The following SCD5 variants were observed in gnomAD, a reference collection of about 807,000 sequenced individuals.
The protein encoded by SCD5 is stearoyl-CoA desaturase 5.
A neutral mutation model predicts 30.4 loss-of-function variants in SCD5; 20 were observed. The ratio of observed to expected loss-of-function variants is 0.66; its 90% CI spans 0.46 to 0.96. SCD5 has a LOEUF of 0.96. SCD5 is among the 40% of genes least tolerant of loss of function. SCD5 has a pLI of 0.00. For synonymous variants in SCD5, 173 were observed against 176.4 expected (o/e 0.98, Z 0.16); for missense variants, 381 against 443.3 (o/e 0.86, Z 1.26).
At chr4:82,764,973 C>T (rs1721456867) in intron 1 of SCD5, among the ~76,000 whole-genome samples, 1 of 152,172 alleles carries the variant, frequency 6.6e-6, no homozygotes, top group Admixed American at 6.5e-5. Context: ...GTGATCCACC[C>T]ACCTTGGCCT....
Position 82,636,643 on chromosome 4 carries a change from A to T in SCD5, c.750T>A (p.Tyr250Ter). The T allele has an allele frequency of 6.2e-7, 1 of 1,614,186 alleles. No individual in the cohort carries two copies. Among genetic ancestry groups the T allele is most frequent in the Non-Finnish European group, 8.5e-7 (1 of 1,180,040 alleles). The change falls in exon 4 of 5, where the codon TAT becomes TAA. Residue 250 changes from tyrosine (Y) to a stop codon, truncating the protein, a stop_gained. Transcript: ENST00000319540. LOFTEE classifies it high-confidence loss of function. ...TCTGCCGAGGGCTGATGTGCTTGTCATAGGGCCGGTTTCCATACATGTGGG... is the reference window on the plus strand; with the variant it reads ...TCTGCCGAGGGCTGATGTGCTTGTCTTAGGGCCGGTTTCCATACATGTGGG... ...SAAHMYGNRP[Y>*]DKHISPRQNP...
chr4:82,793,805 G>T (rs1722148295), intron 1 of SCD5, among the ~76,000 whole-genome samples: 1 of 152,132 alleles, frequency 6.6e-6, no homozygotes, highest in Admixed American at 6.6e-5. Flanking sequence ...CCATTCAGCT[G>T]GTAAGTAAGT....
intron 2 of SCD5, among the ~76,000 whole-genome samples, chr4:82,682,748 A>C (rs1003562954): frequency 2.0e-5 from 3 of 152,146 alleles, no homozygotes; most frequent in African/African-American, 7.2e-5. Context: ...GTCTGGGCTC[A>C]AGTGATCCTC....
rs762854525 is a variant in SCD5, at chr4:82,705,417, C to A, written c.233-4G>T. The A allele has an allele frequency of 1.2e-6, 2 of 1,614,148 alleles. No individual in the cohort carries two copies. Among genetic ancestry groups the A allele is most frequent in the African/African-American group, 1.3e-5 (1 of 75,072 alleles). On this transcript the variant is annotated splice_polypyrimidine_tract_variant and splice_region_variant and intron_variant, in intron 1 of 4. Coordinates refer to ENST00000319540, the MANE Select transcript of SCD5 (RefSeq NM_001037582.3). ...GCCAGGAGGAAGCAGAAGTAGGCTG[C>A]AAGACACAAGCAGGGACAACGTCAA...
At chr4:82,796,947 C>T (rs1722237129) in intron 1 of SCD5, among the ~76,000 whole-genome samples, 1 of 152,184 alleles carries the variant, frequency 6.6e-6, no homozygotes, top group Non-Finnish European at 1.5e-5. Flanking sequence ...CAGGAGATTT[C>T]CCAGAGCTTT....
chr4:82,767,447 T>G (rs1045689282), intron 1 of SCD5, among the ~76,000 whole-genome samples: 11 of 152,160 alleles, frequency 7.2e-5, no homozygotes, highest in African/African-American at 2.7e-4. Context: ...CTCTAGGAAG[T>G]CTATCAGGGC....
chr4:82,659,600 T>C (rs991900316), intron 3 of SCD5, among the ~76,000 whole-genome samples: 15 of 152,212 alleles, frequency 9.9e-5, no homozygotes, highest in African/African-American at 3.6e-4. Context: ...CCAGTGGTCA[T>C]TCAGGAGCAG....
intron 1 of SCD5, among the ~76,000 whole-genome samples, chr4:82,753,102 A>G (rs995181571): frequency 6.6e-6 from 1 of 152,128 alleles, no homozygotes; most frequent in African/African-American, 2.4e-5. Context: ...GCCCCACTGA[A>G]AACCACAGGA....
Position 82,705,357 on chromosome 4 carries a change from A to G in SCD5, c.289T>C (p.Trp97Arg). 3 of 1,614,218 alleles carry G rather than the reference A, an allele frequency of 1.9e-6. No individual in the cohort carries two copies. The highest frequency in any genetic ancestry group is 1.7e-6 in the Non-Finnish European group (2 of 1,180,034). ...TTGGCCCGGTAGGACCTGTGGCTCC[A>G]CAAGCGATGGGCACCAGCTGTCACA... ...LGVTAGAHRL[W>R]SHRSYRAKLP... is the part of the protein sequence containing the mutation. Residue 97 changes from tryptophan (W) to arginine (R), a missense_variant, in exon 2 of 5, where the codon TGG becomes CGG. Physicochemically the swap from Trp to Arg is moderately radical, Grantham distance 101. Coordinates refer to ENST00000319540, the MANE Select transcript of SCD5 (RefSeq NM_001037582.3).
intron 1 of SCD5, among the ~76,000 whole-genome samples, chr4:82,710,529 G>C (rs1000147608): frequency 6.6e-6 from 1 of 152,128 alleles, no homozygotes; most frequent in Non-Finnish European, 1.5e-5. Context: ...TGTGGCTCAG[G>C]GTGTGCAGTG....
chr4:82,690,043 C>G (rs1227246574), intron 2 of SCD5, among the ~76,000 whole-genome samples: 1 of 152,150 alleles, frequency 6.6e-6, no homozygotes, highest in Non-Finnish European at 1.5e-5. Context: ...TGAATGGAAT[C>G]TAAAGAGACA....
intron 4 of SCD5, among the ~76,000 whole-genome samples, 192 bp downstream of exon 4, chr4:82,636,399 C>T (rs1383043911): frequency 1.4e-5 from 2 of 148,130 alleles, no homozygotes; most frequent in Non-Finnish European, 3.0e-5. Flanking sequence ...TGCAGTCAGC[C>T]AAGATCGTGC....
intron 3 of SCD5, among the ~76,000 whole-genome samples, chr4:82,650,098 T>TA: frequency 2.0e-5 from 3 of 152,290 alleles, no homozygotes; most frequent in Admixed American, 2.0e-4. Flanking sequence ...GTAGGTTGTC[T>TA]AGTGCTCTCT....
In SCD5 at chr4:82,630,641, C is replaced by A. The variant is rs532178920; in HGVS notation, c.*686G>T. 2.0e-5 allele frequency: 3 copies of A among 152,304 alleles called. No individual in the cohort carries two copies. The East Asian group carries it at 5.8e-4, about 29-fold the overall frequency. The allele number at this position is 152,304 out of a possible 1,614,324, so 9.4% of individuals were successfully genotyped here. On this transcript the variant is annotated 3_prime_UTR_variant, in exon 5 of 5. Transcript: ENST00000319540. Reference sequence around the variant, plus strand: ...ACATGTCCACACTCTAATGTTAAATCGTAGTAATATTGACTTGAAAAGTTT... The same window carrying A: ...ACATGTCCACACTCTAATGTTAAATAGTAGTAATATTGACTTGAAAAGTTT...
intron 3 of SCD5, among the ~76,000 whole-genome samples, chr4:82,662,380 T>C (rs1728032368): frequency 6.6e-6 from 1 of 151,990 alleles, no homozygotes; most frequent in Non-Finnish European, 1.5e-5. Context: ...ATGCTACAAA[T>C]GGCCCAAAAC....
At chr4:82,736,022 A>G (rs992783991) in intron 1 of SCD5, among the ~76,000 whole-genome samples, 2 of 152,252 alleles carry the variant, frequency 1.3e-5, no homozygotes, top group African/African-American at 2.4e-5. Context: ...ACAGTGGCTC[A>G]GGCCTGCAAT....
intron 3 of SCD5, among the ~76,000 whole-genome samples, chr4:82,662,348 C>T (rs1728032021): frequency 6.6e-6 from 1 of 152,084 alleles, no homozygotes; most frequent in Non-Finnish European, 1.5e-5. Flanking sequence ...CCACCACGCC[C>T]AGCTATCTGT....
intron 1 of SCD5, among the ~76,000 whole-genome samples, chr4:82,792,160 G>A (rs1344443319): frequency 1.3e-5 from 2 of 152,300 alleles, no homozygotes; most frequent in East Asian, 1.9e-4. Context: ...GGAAGGCTGA[G>A]GCAGGAGAAT....
intron 1 of SCD5, among the ~76,000 whole-genome samples, chr4:82,712,365 T>C (rs1459885191): frequency 7.2e-6 from 1 of 138,222 alleles, no homozygotes; most frequent in Non-Finnish European, 1.6e-5. Context: ...CCGCCCAGGC[T>C]GGAGTGCAAT....
Sources: allele counts gnomAD v4.1 joint callset (sites outside exome capture counted in the v4.1 genomes callset), GRCh38; gene constraint gnomAD v4.1.1; transcripts MANE v1.5; gene names NCBI Gene and HGNC (gene_info 2026-07-23, HGNC 2026-07-21).